The following ANO7 variants were observed in gnomAD, a reference collection of about 807,000 sequenced individuals.
ANO7 encodes anoctamin-7.
ANO7 carries 114 observed loss-of-function variants against 115.8 expected under a neutral mutation model. The observed-to-expected ratio is 0.98, with a 90% CI of 0.85 to 1.15. ANO7 has a LOEUF of 1.15. Ranked by LOEUF, ANO7 falls within the 50% of genes most tolerant of loss-of-function variation. The pLI is 0.00. For synonymous variants in ANO7, 550 were observed against 498.2 expected, an observed-to-expected ratio of 1.10 and a Z score of -1.38; for missense variants, 1,302 against 1,201.2, an observed-to-expected ratio of 1.08 and a Z score of -1.24.
chr2:241,214,900 C>T lies in ANO7; in HGVS notation c.1824C>T (p.Ile608=), dbSNP rs558734751. The change falls in exon 18 of 25, where the codon ATC becomes ATT. Residue 608 remains isoleucine (I), a splice_region_variant and synonymous_variant. Coordinates refer to ENST00000674324, the MANE Select transcript of ANO7 (RefSeq NM_001370694.2). ...TCAACAACATGCAGGAGGTCCTCAT[C>T]CCGTGAGTCCCCCACTCCTCCCTGG... The part of the protein sequence containing the change: ...QVINNMQEVL[I]PKLKGWWQKF... 6.2e-7 allele frequency: 1 copy of T among 1,611,784 alleles called. No homozygotes were observed. The highest frequency in any genetic ancestry group is 1.7e-5 in the Admixed American group (1 of 59,988).
downstream of ANO7, chr2:241,230,966 A>G: frequency 6.2e-7 from 1 of 1,603,948 alleles, no homozygotes; most frequent in Non-Finnish European, 8.5e-7. The surrounding 1 kb of genome is among the most constrained non-coding windows in gnomAD (Gnocchi z 5.0). Flanking sequence ...GAATGTAGTC[A>G]GAAAAGGGGA....
intron 3 of ANO7, among the ~76,000 whole-genome samples, chr2:241,194,350 T>G (rs369420869): frequency 3.8e-4 from 57 of 148,334 alleles, no homozygotes; most frequent in African/African-American, 1.3e-3. Flanking sequence ...TCTGTTGCCC[T>G]GTTGCCCAGG....
intron 13 of ANO7, 103 bp downstream of exon 13, chr2:241,209,738 CTG>C (rs1559449954): frequency 7.0e-7 from 1 of 1,436,794 alleles, no homozygotes; most frequent in East Asian, 2.4e-5. Context: ...GATGCCTCCT[CTG>C]GGCACAGAAC....
chr2:241,194,094 C>G (rs10933535), intron 3 of ANO7, among the ~76,000 whole-genome samples: 1 of 151,474 alleles, frequency 6.6e-6, no homozygotes. Flanking sequence ...AGGCTGGTCT[C>G]GAACTCCTGA....
At chr2:241,240,212 G>A in the ANO7 span, 53 of 1,273,722 alleles carry the variant, frequency 4.2e-5, no homozygotes, top group Admixed American at 1.5e-4. The surrounding 1 kb of genome is among the most constrained non-coding windows in gnomAD (Gnocchi z 5.5). Context: ...CAGCAAGCTC[G>A]GGCTCCCCTT....
At chr2:241,191,612 CTT>C (rs1185740211) in intron 3 of ANO7, among the ~76,000 whole-genome samples, 1 of 152,112 alleles carries the variant, frequency 6.6e-6, no homozygotes, top group Non-Finnish European at 1.5e-5. Context: ...TTCAAAATCT[CTT>C]TGATCCACCC....
intron 7 of ANO7, among the ~76,000 whole-genome samples, chr2:241,201,906 AG>A (rs2068481934): frequency 1.3e-5 from 2 of 152,222 alleles, no homozygotes; most frequent in South Asian, 4.1e-4. Context: ...ACGGCCAGGC[AG>A]GGGCCCAGCT....
At chr2:241,193,181 TGCCTCA>T in intron 3 of ANO7, among the ~76,000 whole-genome samples, 2 of 152,216 alleles carry the variant, frequency 1.3e-5, no homozygotes, top group Middle Eastern at 6.8e-3. Context: ...ACCATTCTCC[TGCCTCA>T]GCCTCCCGAG....
At chr2:241,192,336 A>T (rs2068226962) in intron 3 of ANO7, among the ~76,000 whole-genome samples, 1 of 152,162 alleles carries the variant, frequency 6.6e-6, no homozygotes, top group Non-Finnish European at 1.5e-5. Flanking sequence ...CAAGAAAAAA[A>T]AAAGTACCAC....
downstream of ANO7, chr2:241,229,850 C>T (rs367686311): frequency 1.9e-5 from 26 of 1,356,228 alleles, no homozygotes; most frequent in South Asian, 4.8e-5. Context: ...CTGCTGCTGG[C>T]GGTCCAGGGT....
chr2:241,189,137 C>T (rs914160606), intron 1 of ANO7, among the ~76,000 whole-genome samples: 4 of 152,154 alleles, frequency 2.6e-5, no homozygotes, highest in East Asian at 3.9e-4. Flanking sequence ...CGAAACTCCT[C>T]GGGGACTTTC....
chr2:241,193,013 A>G (rs1198382647), intron 3 of ANO7, among the ~76,000 whole-genome samples: 1 of 151,378 alleles, frequency 6.6e-6, no homozygotes, highest in Non-Finnish European at 1.5e-5. Context: ...AGTACCAATG[A>G]CCTGTACACT....
chr2:241,192,852 A>T (rs543947559), intron 3 of ANO7, among the ~76,000 whole-genome samples: 46 of 151,660 alleles, frequency 3.0e-4, no homozygotes, highest in Non-Finnish European at 1.2e-4. Context: ...CACTTATATG[A>T]GGTCCCCAGA....
Position 241,224,139 on chromosome 2 carries a change from C to G in ANO7, c.2626C>G (p.Gln876Glu). The change falls in exon 25 of 25, where the codon CAG becomes GAG. Residue 876 changes from glutamine to glutamate, a missense_variant. Gln to Glu is a conservative substitution (Grantham distance 29). Transcript: ENST00000674324. ...ACCCTTCACGGTTCCCAAGGCCAGC[C>G]AGCTGCAGCAGTGACGCCTGGAAGG... ...WTPFTVPKAS[Q>E]LQQ is the part of the protein sequence containing the mutation. The G allele has an allele frequency of 6.3e-7, 1 of 1,599,780 alleles. No individual in the cohort carries two copies. Among genetic ancestry groups the G allele is most frequent in the Non-Finnish European group, 8.6e-7 (1 of 1,167,494 alleles).
At chr2:241,239,875 G>A in the ANO7 span, 1 of 1,612,384 alleles carries the variant, frequency 6.2e-7, no homozygotes, top group Non-Finnish European at 8.5e-7. The surrounding 1 kb of genome is among the most constrained non-coding windows in gnomAD (Gnocchi z 4.6). Context: ...CCCCAGCAGA[G>A]TCGGCCGCCG....
chr2:241,217,442 C>T (rs2068857952), intron 19 of ANO7, among the ~76,000 whole-genome samples: 1 of 152,248 alleles, frequency 6.6e-6, no homozygotes. Flanking sequence ...CTCACCGAGC[C>T]GGAGAAGGCC....
In ANO7 at chr2:241,212,158, C is replaced by T. The variant is rs761641798; in HGVS notation, c.1626C>T (p.Phe542=). The change falls in exon 16 of 25, where the codon TTC becomes TTT. Residue 542 remains phenylalanine, a synonymous_variant. Coordinates refer to ENST00000674324, the MANE Select transcript of ANO7 (RefSeq NM_001370694.2). Reference sequence around the variant, plus strand: ...CCCTCAAGGTGTTCATCTTCCAGTTCGTCAACTTCTACTCCTCACCCGTCT... The same window carrying T: ...CCCTCAAGGTGTTCATCTTCCAGTTTGTCAACTTCTACTCCTCACCCGTCT... ...AFTLKVFIFQ[F]VNFYSSPVYI... The T allele has an allele frequency of 8.7e-5, 140 of 1,614,038 alleles. 2 individuals carry two copies. In the Middle Eastern group the frequency reaches 1.2e-3, roughly 13 times the overall value.
rs376923960 is a variant in ANO7 at position 241,205,270 on chromosome 2, G to A, written c.980+315G>A. Reference sequence around the variant, plus strand: ...TCCCAGACTGACAGGCAGACGGGGCGCTCCCAGGCTGACAGGTAGTCAGGA... The same window carrying A: ...TCCCAGACTGACAGGCAGACGGGGCACTCCCAGGCTGACAGGTAGTCAGGA... On this transcript the variant is annotated intron_variant, in intron 10 of 24. Coordinates refer to ENST00000674324, the MANE Select transcript of ANO7 (RefSeq NM_001370694.2). 9.1e-4 allele frequency among the ~76,000 whole-genome samples: 136 copies of A among 150,154 alleles called. 1 individual carries two copies. The East Asian group carries it at 0.013, about 15-fold the overall frequency.
the ANO7 span, chr2:241,236,754 G>A: frequency 6.2e-7 from 1 of 1,614,186 alleles, no homozygotes; most frequent in Non-Finnish European, 8.5e-7. Context: ...CTGGACAACT[G>A]GCTCTGTACT....
Sources: allele counts gnomAD v4.1 joint callset (sites outside exome capture counted in the v4.1 genomes callset), GRCh38; gene constraint gnomAD v4.1.1; non-coding constraint Gnocchi (gnomAD v3.1); transcripts MANE v1.5; gene names NCBI Gene and HGNC (gene_info 2026-07-23, HGNC 2026-07-21).